ALG1L2: variants seen among roughly 807,000 people sequenced by gnomAD.
The protein encoded by ALG1L2 is putative glycosyltransferase ALG1L2.
ALG1L2 carries 32 observed loss-of-function variants against 29.0 expected under a neutral mutation model. The observed-to-expected ratio is 1.10, with a 90% CI of 0.83 to 1.48. The LOEUF (loss-of-function observed/expected upper bound fraction) is 1.48, where lower values mean the gene tolerates loss of function less well. ALG1L2 is among the 40% of genes most tolerant of loss of function. The probability of loss-of-function intolerance (pLI) is 0.00; values close to 1 mark genes in which losing one functional copy is unlikely to be tolerated. For missense variants in ALG1L2, 318 were observed against 274.1 expected (o/e 1.16, Z -1.13); for synonymous variants, 110 against 109.5 (o/e 1.00, Z -0.03).
intron 1 of ALG1L2, among the ~76,000 whole-genome samples, chr3:130,088,343 G>A (rs76155953): frequency 2.0e-5 from 3 of 152,070 alleles, no homozygotes; most frequent in African/African-American, 7.2e-5. Flanking sequence ...GGGACCTAGT[G>A]GGAGGTAACT....
At chr3:130,085,774 T>C (rs1299812126) in intron 1 of ALG1L2, among the ~76,000 whole-genome samples, 1 of 149,524 alleles carries the variant, frequency 6.7e-6, no homozygotes, top group Non-Finnish European at 1.5e-5. Context: ...AGTTGTTTTC[T>C]TCAAAGGTAT....
intron 1 of ALG1L2, among the ~76,000 whole-genome samples, chr3:130,086,510 T>C (rs1214396017): frequency 6.7e-6 from 1 of 149,682 alleles, no homozygotes; most frequent in East Asian, 1.9e-4. Flanking sequence ...CTACAACAAC[T>C]AAACTAAATA....
Position 130,091,246 on chromosome 3 carries a change from A to G in ALG1L2, c.21-15A>G. On this transcript the variant is annotated splice_polypyrimidine_tract_variant and intron_variant, in intron 1 of 7. Coordinates refer to ENST00000425059, the MANE Select transcript of ALG1L2 (RefSeq NM_001136152.1). ...GCTGGACTAATGCAATAGCCCTGCC[A>G]TGATTTCATTGCAGGGCTGTGACCG... The G allele has an allele frequency of 6.3e-7, 1 of 1,597,240 alleles. No individual in the cohort carries two copies. Among genetic ancestry groups the G allele is most frequent in the Non-Finnish European group, 8.5e-7 (1 of 1,178,396 alleles).
intron 1 of ALG1L2, chr3:130,090,974 G>A (rs1935001672): frequency 4.8e-6 from 2 of 414,670 alleles, no homozygotes; most frequent in Non-Finnish European, 9.1e-6. Context: ...AGCCATGTGT[G>A]TCTTATCTGT....
intron 5 of ALG1L2, among the ~76,000 whole-genome samples, chr3:130,094,874 C>T (rs1418094105): frequency 2.0e-5 from 3 of 152,202 alleles, no homozygotes; most frequent in East Asian, 3.9e-4. Context: ...CAGACAGCGT[C>T]GCCTCACCAG....
intron 1 of ALG1L2, among the ~76,000 whole-genome samples, chr3:130,082,813 G>T (rs1487869481): frequency 6.8e-6 from 1 of 146,830 alleles, no homozygotes; most frequent in African/African-American, 2.4e-5. Context: ...GCCCAGCAAG[G>T]CTCCAAGTGA....
At chr3:130,094,264 C>T (rs1935082362) in intron 4 of ALG1L2, 139 bp from the exon 5 acceptor site, 5 of 1,105,262 alleles carry the variant, frequency 4.5e-6, no homozygotes, top group Non-Finnish European at 6.6e-6. Context: ...TGGAAAGGCC[C>T]AGATAGGGCC....
chr3:130,083,337 A>G (rs576057553), intron 1 of ALG1L2, among the ~76,000 whole-genome samples: 6 of 130,710 alleles, frequency 4.6e-5, no homozygotes, highest in Admixed American at 4.0e-4. Flanking sequence ...CCAGCTACTC[A>G]GGAGGCTAAG....
intron 6 of ALG1L2, 66 bp downstream of exon 6, chr3:130,096,229 T>C: frequency 6.4e-7 from 1 of 1,562,840 alleles, no homozygotes. Flanking sequence ...GGGGAAGCAG[T>C]GCAGAGTGAG....
chr3:130,091,498 T>G, intron 2 of ALG1L2, 127 bp downstream of exon 2: 11 of 1,016,664 alleles, frequency 1.1e-5, no homozygotes, highest in Non-Finnish European at 1.5e-5. Flanking sequence ...GCCAGTCTCC[T>G]GCTTTTGTAA....
At chr3:130,091,462 C>T in intron 2 of ALG1L2, 91 bp downstream of exon 2, 1 of 1,340,000 alleles carries the variant, frequency 7.5e-7, no homozygotes, top group East Asian at 2.5e-5. Context: ...CCCACTCATC[C>T]AGGGATTGGC....
rs1197806411 is a variant in ALG1L2 at position 130,094,425 on chromosome 3, T to C, written c.336T>C (p.Tyr112=). The C allele has an allele frequency of 1.3e-6, 2 of 1,596,216 alleles. No homozygotes were observed. Among genetic ancestry groups the C allele is most frequent in the Non-Finnish European group, 1.7e-6 (2 of 1,179,616 alleles). ...VITGKGPLRE[Y]YSRLIHQKHF... ...AAGGCAAAGGGCCTCTGAGGGAGTA[T>C]TACAGCCGCCTCATCCACCAGAAGC... is the stretch of plus-strand genomic sequence containing the variant. Residue 112 remains tyrosine, a synonymous_variant, in exon 5 of 8, where the codon TAT becomes TAC. Transcript: ENST00000425059.
chr3:130,096,269 CAGT>C lies in ALG1L2; in HGVS notation c.539+107_539+109del. The C allele has an allele frequency of 1.6e-6, 2 of 1,281,968 alleles. 1 individual carries two copies. Among genetic ancestry groups the C allele is most frequent in the South Asian group, 2.7e-5 (2 of 74,056 alleles). The allele number at this position is 1,281,968 out of a possible 1,614,324, so 79.4% of individuals were successfully genotyped here. On this transcript the variant is annotated intron_variant, in intron 6 of 7. Coordinates refer to ENST00000425059, the MANE Select transcript of ALG1L2 (RefSeq NM_001136152.1). ...CCACAGTGAGGCCCTGCCCCTCGGT[CAGT>C]CCAGCACACACTGGAGGCCACGAGG...
At position 130,098,291 on chromosome 3, in the gene ALG1L2, T is replaced by G; in HGVS notation, c.*36T>G. 1.9e-6 allele frequency: 3 copies of G among 1,596,464 alleles called. No individual in the cohort carries two copies. The highest frequency in any genetic ancestry group is 2.5e-6 in the Non-Finnish European group (3 of 1,179,774). On this transcript the variant is annotated 3_prime_UTR_variant, in exon 8 of 8. Coordinates refer to ENST00000425059, the MANE Select transcript of ALG1L2 (RefSeq NM_001136152.1). ...AAGCTAAACCAGTTCCGGAAGAACC[T>G]GCGGGAGTCGCAGCAGCTCTGATGG...
intron 1 of ALG1L2, among the ~76,000 whole-genome samples, chr3:130,088,882 C>T (rs1375177790): frequency 6.6e-6 from 1 of 152,304 alleles, no homozygotes; most frequent in African/African-American, 2.4e-5. Context: ...ATAAATTACC[C>T]AGTCTCAGGT....
intron 6 of ALG1L2, among the ~76,000 whole-genome samples, chr3:130,096,809 C>T (rs1935146926): frequency 6.6e-6 from 1 of 152,168 alleles, no homozygotes. Flanking sequence ...ATCTGGTGTC[C>T]TAGAAAAGTC....
At chr3:130,088,027 T>C (rs148269491) in intron 1 of ALG1L2, among the ~76,000 whole-genome samples, 604 of 152,380 alleles carry the variant, frequency 4.0e-3, no homozygotes, top group African/African-American at 0.014. Flanking sequence ...CTGGGGACTT[T>C]CTGAGCCCCC....
chr3:130,092,856 C>A (rs1402747410), intron 3 of ALG1L2, among the ~76,000 whole-genome samples: 2 of 151,944 alleles, frequency 1.3e-5, no homozygotes, highest in African/African-American at 2.4e-5. Flanking sequence ...CATGGCGAAA[C>A]CTGTCTCTAC....
chr3:130,098,118 C>T (rs12638292), intron 7 of ALG1L2, 105 bp from the exon 8 acceptor site: 672,981 of 1,468,954 alleles, frequency 0.46, 155,148 homozygotes, highest in Middle Eastern at 0.48. Flanking sequence ...AGTGAGGGAG[C>T]TAGGGACTTG....
Sources: allele counts gnomAD v4.1 joint callset (sites outside exome capture counted in the v4.1 genomes callset), GRCh38; gene constraint gnomAD v4.1.1; transcripts MANE v1.5; gene names NCBI Gene and HGNC (gene_info 2026-07-23, HGNC 2026-07-21).